STAG1: variants seen among roughly 807,000 people sequenced by gnomAD.
STAG1 encodes the protein STAG1 cohesin complex component.
A neutral mutation model predicts 170.9 loss-of-function variants in STAG1; 26 were observed. The observed-to-expected ratio is 0.15, with a 90% confidence interval of 0.11 to 0.21. The LOEUF (loss-of-function observed/expected upper bound fraction) is 0.21. STAG1 is among the 10% of genes least tolerant of loss of function. The pLI is 1.00. For missense variants in STAG1, 964 were observed against 1,509.5 expected (o/e 0.64, Z 5.99); for synonymous variants, 514 against 497.7 (o/e 1.03, Z -0.44).
intron 23 of STAG1, among the ~76,000 whole-genome samples, chr3:136,370,508 C>G (rs1576398169): frequency 6.6e-6 from 1 of 152,096 alleles, no homozygotes; most frequent in African/African-American, 2.4e-5. Context: ...TATCCCTCAC[C>G]ACTCCCCCCA....
chr3:136,423,431 G>A (rs569927831), intron 16 of STAG1, among the ~76,000 whole-genome samples: 1 of 152,204 alleles, frequency 6.6e-6, no homozygotes, highest in South Asian at 2.1e-4. Context: ...AATACCAACA[G>A]AAGCTAACAC....
At chr3:136,734,815 T>C (rs1934245141) in intron 1 of STAG1, among the ~76,000 whole-genome samples, 1 of 152,188 alleles carries the variant, frequency 6.6e-6, no homozygotes, top group Non-Finnish European at 1.5e-5. Context: ...TAATAAGTAC[T>C]CACAAAATAT....
chr3:136,566,829 A>G (rs1225984911), intron 5 of STAG1, among the ~76,000 whole-genome samples: 1 of 152,196 alleles, frequency 6.6e-6, no homozygotes, highest in Non-Finnish European at 1.5e-5. Context: ...AAAAGACTAC[A>G]AATAACACAC....
chr3:136,368,824 G>T (rs1937181569), intron 24 of STAG1, among the ~76,000 whole-genome samples: 1 of 152,078 alleles, frequency 6.6e-6, no homozygotes, highest in Non-Finnish European at 1.5e-5. Context: ...TGAACTATAT[G>T]AATGTATTAC....
intron 1 of STAG1, among the ~76,000 whole-genome samples, chr3:136,733,192 C>T (rs1934142685): frequency 6.6e-6 from 1 of 151,502 alleles, no homozygotes; most frequent in Non-Finnish European, 1.5e-5. Context: ...TGAAGCAATC[C>T]TCCCACCTCA....
chr3:136,540,423 C>G (rs1200763791), intron 6 of STAG1, among the ~76,000 whole-genome samples: 6 of 151,860 alleles, frequency 4.0e-5, no homozygotes, highest in Non-Finnish European at 8.8e-5. Flanking sequence ...TATGAAATGC[C>G]TTTTCAGTAA....
intron 9 of STAG1, among the ~76,000 whole-genome samples, chr3:136,489,641 C>T (rs1310917736): frequency 1.3e-5 from 2 of 149,568 alleles, no homozygotes; most frequent in East Asian, 1.9e-4. Context: ...GATTAGGCTG[C>T]GAGGAAAAAA....
At chr3:136,437,714 A>G (rs1211680337) in intron 15 of STAG1, among the ~76,000 whole-genome samples, 1 of 152,116 alleles carries the variant, frequency 6.6e-6, no homozygotes, top group Non-Finnish European at 1.5e-5. Flanking sequence ...TCTCTTGAAC[A>G]TCCTCTTTAC....
In STAG1 at chr3:136,681,715, T is replaced by C. The variant is rs182550180; in HGVS notation, c.-83-50734A>G. Among the ~76,000 whole-genome samples, 255 of 152,046 alleles carry C rather than the reference T, an allele frequency of 1.7e-3. 2 individuals carry two copies. Among genetic ancestry groups the C allele is most frequent in the Non-Finnish European group, 3.1e-3 (212 of 67,964 alleles). ...ACCATAACCAAATGACATTCATTAATAAAATGAAAGGATGATCCAACGTAT... is the reference window on the plus strand; with the variant it reads ...ACCATAACCAAATGACATTCATTAACAAAATGAAAGGATGATCCAACGTAT... On this transcript the variant is annotated intron_variant, in intron 1 of 33. Transcript: ENST00000383202.
chr3:136,434,034 A>T (rs1383599071), intron 15 of STAG1, among the ~76,000 whole-genome samples: 1 of 152,140 alleles, frequency 6.6e-6, no homozygotes, highest in Non-Finnish European at 1.5e-5. Flanking sequence ...AATATTTTTC[A>T]AGTCAATACA....
chr3:136,652,002 G>A (rs976860171), intron 1 of STAG1, among the ~76,000 whole-genome samples: 17 of 152,182 alleles, frequency 1.1e-4, no homozygotes, highest in African/African-American at 4.1e-4. Context: ...GGTTCAACCA[G>A]GAAAACATCA....
intron 3 of STAG1, among the ~76,000 whole-genome samples, chr3:136,617,222 A>G (rs1939641977): frequency 6.6e-6 from 1 of 152,228 alleles, no homozygotes; most frequent in African/African-American, 2.4e-5. Context: ...TTCAGTTTCC[A>G]GCCTCTGCTG....
At chr3:136,491,102 C>A (rs931978801) in intron 9 of STAG1, among the ~76,000 whole-genome samples, 2 of 152,118 alleles carry the variant, frequency 1.3e-5, no homozygotes, top group South Asian at 2.1e-4. Context: ...CTACTTCTCT[C>A]TAATACATTT....
chr3:136,340,882 T>C (rs891631134), intron 31 of STAG1, among the ~76,000 whole-genome samples: 8 of 152,294 alleles, frequency 5.3e-5, no homozygotes, highest in Admixed American at 4.6e-4. Flanking sequence ...ATTGGTAGTA[T>C]TATCCCAATT....
chr3:136,665,665 A>T (rs1318073301), intron 1 of STAG1, among the ~76,000 whole-genome samples: 1 of 151,622 alleles, frequency 6.6e-6, no homozygotes, highest in Non-Finnish European at 1.5e-5. Context: ...CTGTAGTCCC[A>T]GCTACTGGGG....
At chr3:136,340,642 A>T (rs1337529063) in intron 31 of STAG1, 37 bp from the exon 32 acceptor site, 1 of 1,372,590 alleles carries the variant, frequency 7.3e-7, no homozygotes, top group Admixed American at 1.7e-5. Flanking sequence ...AGCTCATCAG[A>T]CTCCACCATT....
chr3:136,424,050 A>G (rs1382118738), intron 16 of STAG1, among the ~76,000 whole-genome samples: 1 of 151,802 alleles, frequency 6.6e-6, no homozygotes, highest in African/African-American at 2.4e-5. Flanking sequence ...TTTTGTAGAG[A>G]TGGGGTTTCA....
At chr3:136,547,159 T>C (rs189912129) in intron 5 of STAG1, among the ~76,000 whole-genome samples, 75 of 152,340 alleles carry the variant, frequency 4.9e-4, no homozygotes, top group Non-Finnish European at 3.2e-4. Context: ...AGAATAGTTT[T>C]AGACTAACAG....
chr3:136,643,154 A>G (rs1940867611), intron 1 of STAG1, among the ~76,000 whole-genome samples: 1 of 152,226 alleles, frequency 6.6e-6, no homozygotes, highest in African/African-American at 2.4e-5. Context: ...GGGGGACACA[A>G]ATCACAAATA....
Sources: gnomAD v4.1 joint callset for allele counts (sites outside exome capture counted in the v4.1 genomes callset) on GRCh38, gnomAD v4.1.1 for gene constraint, MANE v1.5 for transcripts, NCBI Gene and HGNC (gene_info 2026-07-23, HGNC 2026-07-21) for gene names.